The following MDFIC variants were observed in gnomAD, a reference collection of about 807,000 sequenced individuals.
The protein encoded by MDFIC is MyoD family inhibitor domain containing.
A neutral mutation model predicts 23.2 loss-of-function variants in MDFIC; 17 were observed. The observed-to-expected ratio is 0.73, with a 90% CI of 0.50 to 1.10. The LOEUF is 1.10. MDFIC is among the 50% of genes least tolerant of loss of function. The pLI, the probability that MDFIC is intolerant of heterozygous loss-of-function variation, is 0.00. For synonymous variants in MDFIC, 120 were observed against 115.2 expected (o/e 1.04, Z -0.27); for missense variants, 356 against 316.6 (o/e 1.12, Z -0.95).
chr7:114,967,097 A>G lies in MDFIC; in HGVS notation c.218-12409A>G, dbSNP rs115660187. Among the ~76,000 whole-genome samples the G allele has an allele frequency of 4.7e-3, 720 of 152,308 alleles. 5 individuals are homozygous for G. The highest frequency in any genetic ancestry group is 0.016 in the African/African-American group (651 of 41,566). ...TTTTCTTTGTTTAAATTTTTAAAAAAGTGTTGATGCAGTTGAAATTGCTTG... is the reference window on the plus strand; with the variant it reads ...TTTTCTTTGTTTAAATTTTTAAAAAGGTGTTGATGCAGTTGAAATTGCTTG... On this transcript the variant is annotated intron_variant, in intron 3 of 4. Transcript: ENST00000393486.
At chr7:114,949,832 G>GTTGTC (rs1792728536) in intron 3 of MDFIC, among the ~76,000 whole-genome samples, 1 of 152,124 alleles carries the variant, frequency 6.6e-6, no homozygotes, top group East Asian at 1.9e-4. Context: ...CAGTGGAAGT[G>GTTGTC]TTGTCTGTGA....
chr7:114,987,699 A>G (rs1370115199), intron 4 of MDFIC, among the ~76,000 whole-genome samples: 1 of 152,202 alleles, frequency 6.6e-6, no homozygotes, highest in Non-Finnish European at 1.5e-5. Context: ...GTGTGTATGG[A>G]GAGTAGGCAT....
intron 2 of MDFIC, among the ~76,000 whole-genome samples, chr7:114,926,106 C>T (rs980144809): frequency 2.0e-5 from 3 of 152,088 alleles, no homozygotes; most frequent in Admixed American, 6.6e-5. Flanking sequence ...TTTTAAAATT[C>T]GTGTTATGGA....
chr7:114,983,169 G>C (rs1239427348), intron 4 of MDFIC, among the ~76,000 whole-genome samples: 1 of 152,124 alleles, frequency 6.6e-6, no homozygotes, highest in Non-Finnish European at 1.5e-5. Context: ...AAAGGCAAAT[G>C]AGCAAACAAG....
intron 3 of MDFIC, among the ~76,000 whole-genome samples, chr7:114,961,081 G>T (rs536344567): frequency 6.6e-6 from 1 of 151,980 alleles, no homozygotes; most frequent in Admixed American, 6.6e-5. Flanking sequence ...GGTTTCCTCC[G>T]CACCACCCCT....
At chr7:114,942,245 A>G in intron 2 of MDFIC, 30 bp from the exon 3 acceptor site, 2 of 1,282,392 alleles carry the variant, frequency 1.6e-6, no homozygotes, top group Middle Eastern at 1.9e-4. Context: ...TATAAAATCA[A>G]TTATATTAAA....
intron 3 of MDFIC, among the ~76,000 whole-genome samples, chr7:114,952,191 C>T (rs565211181): frequency 1.3e-5 from 2 of 152,328 alleles, no homozygotes; most frequent in South Asian, 4.1e-4. Context: ...TGCTATTCTA[C>T]TCACAAACAT....
intron 2 of MDFIC, among the ~76,000 whole-genome samples, chr7:114,930,478 C>T (rs182796738): frequency 1.3e-5 from 2 of 152,258 alleles, no homozygotes; most frequent in Admixed American, 6.5e-5. Context: ...TTTGTTTGGT[C>T]AGTTCACATA....
intron 3 of MDFIC, among the ~76,000 whole-genome samples, chr7:114,977,470 C>T (rs557565189): frequency 2.0e-5 from 3 of 152,216 alleles, no homozygotes; most frequent in African/African-American, 7.2e-5. Context: ...AATACCTCTT[C>T]ACTCCCTGTG....
chr7:114,997,911 G>A (rs545775406), intron 4 of MDFIC, among the ~76,000 whole-genome samples: 29 of 152,300 alleles, frequency 1.9e-4, no homozygotes, highest in African/African-American at 6.5e-4. Flanking sequence ...TTACACATAT[G>A]AGGCACTTTC....
chr7:114,987,062 A>G (rs1208522730), intron 4 of MDFIC, among the ~76,000 whole-genome samples: 1 of 152,166 alleles, frequency 6.6e-6, no homozygotes, highest in East Asian at 1.9e-4. Flanking sequence ...GAAGGAATAA[A>G]AGGAAGGGCA....
At chr7:114,957,619 G>T (rs1019819477) in intron 3 of MDFIC, among the ~76,000 whole-genome samples, 1 of 152,170 alleles carries the variant, frequency 6.6e-6, no homozygotes, top group Non-Finnish European at 1.5e-5. Flanking sequence ...AGAGGGAGAT[G>T]TGGATGTTAA....
At chr7:114,953,799 A>G (rs1251601286) in intron 3 of MDFIC, among the ~76,000 whole-genome samples, 1 of 152,214 alleles carries the variant, frequency 6.6e-6, no homozygotes, top group Non-Finnish European at 1.5e-5. Flanking sequence ...AATATACTTT[A>G]AATTGTCTCT....
At chr7:114,987,959 G>T (rs540508990) in intron 4 of MDFIC, among the ~76,000 whole-genome samples, 1 of 152,136 alleles carries the variant, frequency 6.6e-6, no homozygotes, top group Admixed American at 6.6e-5. Context: ...GAGGAGCAAA[G>T]AAACTATTTT....
chr7:114,956,620 C>T lies in MDFIC; in HGVS notation c.217+14223C>T, dbSNP rs570421183. ...GGGGAAGGCATTATGATTCTATAGT[C>T]ATATCCTTTTGTGTGAAATAATGGT... On this transcript the variant is annotated intron_variant, in intron 3 of 4. Coordinates refer to ENST00000393486, the MANE Select transcript of MDFIC (RefSeq NM_001166345.3). Among the ~76,000 whole-genome samples the T allele has an allele frequency of 2.6e-4, 40 of 152,094 alleles. 2 individuals are homozygous for T. The South Asian group carries it at 7.9e-3, about 30-fold the overall frequency.
chr7:114,978,955 A>C (rs1327225576), intron 3 of MDFIC, among the ~76,000 whole-genome samples: 1 of 152,202 alleles, frequency 6.6e-6, no homozygotes, highest in East Asian at 1.9e-4. Flanking sequence ...TTTAAAAATC[A>C]AATTAAAGAA....
chr7:114,926,324 T>G (rs1792188955), intron 2 of MDFIC, among the ~76,000 whole-genome samples: 1 of 152,212 alleles, frequency 6.6e-6, no homozygotes, highest in Non-Finnish European at 1.5e-5. Flanking sequence ...CAAGGTCTCA[T>G]ACACAGTCAG....
At chr7:115,007,628 G>GTATATATATA (rs1237300160) in intron 4 of MDFIC, among the ~76,000 whole-genome samples, 2 of 39,956 alleles carry the variant, frequency 5.0e-5, no homozygotes, top group African/African-American at 1.3e-4. Flanking sequence ...GTGCGTGTGT[G>GTATATATATA]TGTATATATA....
At chr7:114,931,945 G>T (rs1293810183) in intron 2 of MDFIC, among the ~76,000 whole-genome samples, 1 of 152,192 alleles carries the variant, frequency 6.6e-6, no homozygotes, top group African/African-American at 2.4e-5. Context: ...CCGAGGCATA[G>T]TCCTCCTACT....
Sources: gnomAD v4.1 joint callset for allele counts (sites outside exome capture counted in the v4.1 genomes callset) on GRCh38, gnomAD v4.1.1 for gene constraint, MANE v1.5 for transcripts, NCBI Gene and HGNC (gene_info 2026-07-23, HGNC 2026-07-21) for gene names.